AKAP13: variants seen among roughly 807,000 people sequenced by gnomAD.
AKAP13 encodes A-kinase anchoring protein 13.
In AKAP13, 80 loss-of-function variants were observed where a neutral mutation model predicts 264.5. The observed-to-expected ratio is 0.30, with a 90% CI of 0.25 to 0.36. AKAP13 has a LOEUF of 0.36. Ranked by LOEUF, AKAP13 falls within the 10% of genes least tolerant of loss-of-function variation. The pLI is 1.00. For synonymous variants in AKAP13, 1,380 were observed against 1,250.2 expected (o/e 1.10, Z -2.19); for missense variants, 3,712 against 3,435.2 (o/e 1.08, Z -2.01).
chr15:85,612,120 A>C (rs2080659840), intron 8 of AKAP13, among the ~76,000 whole-genome samples: 2 of 152,228 alleles, frequency 1.3e-5, no homozygotes, highest in African/African-American at 4.8e-5. Flanking sequence ...TGTACTATAC[A>C]GTCCCAATAA....
intron 1 of AKAP13, among the ~76,000 whole-genome samples, chr15:85,392,588 A>G (rs2070921079): frequency 6.6e-6 from 1 of 151,828 alleles, no homozygotes; most frequent in Non-Finnish European, 1.5e-5. Context: ...TTTTTTTGTT[A>G]AGAAATGAGG....
At chr15:85,744,306 T>C in intron 36 of AKAP13, 1 of 343,560 alleles carries the variant, frequency 2.9e-6, no homozygotes, top group Non-Finnish European at 5.4e-6. Flanking sequence ...CCTGTTCATG[T>C]ACCACTTTTT....
chr15:85,609,258 C>A (rs969966074), intron 8 of AKAP13, among the ~76,000 whole-genome samples: 7 of 152,152 alleles, frequency 4.6e-5, no homozygotes, highest in Non-Finnish European at 1.0e-4. Flanking sequence ...CAACCTCTCC[C>A]CATTCTCTTC....
intron 8 of AKAP13, among the ~76,000 whole-genome samples, chr15:85,622,863 A>G (rs1209348402): frequency 1.3e-5 from 2 of 152,134 alleles, no homozygotes; most frequent in Non-Finnish European, 2.9e-5. Context: ...TATTACATGA[A>G]TATGTATATT....
At chr15:85,641,524 CGCCCAGGCTGG>C (rs2082312036) in intron 9 of AKAP13, among the ~76,000 whole-genome samples, 1 of 150,692 alleles carries the variant, frequency 6.6e-6, no homozygotes, top group Non-Finnish European at 1.5e-5. Context: ...CTCGCTCTGT[CGCCCAGGCTGG>C]AATGCAGTGG....
At chr15:85,486,507 T>C (rs1323576866) in intron 2 of AKAP13, among the ~76,000 whole-genome samples, 1 of 152,152 alleles carries the variant, frequency 6.6e-6, no homozygotes, top group Non-Finnish European at 1.5e-5. Flanking sequence ...TTGAAAAGAC[T>C]GTTCTTTCTC....
At chr15:85,631,131 G>A (rs539084245) in intron 8 of AKAP13, among the ~76,000 whole-genome samples, 1 of 152,166 alleles carries the variant, frequency 6.6e-6, no homozygotes, top group South Asian at 2.1e-4. Context: ...CTTCAACATG[G>A]GTGAACCTCA....
chr15:85,409,584 T>G (rs988343861), intron 1 of AKAP13, among the ~76,000 whole-genome samples: 5 of 151,642 alleles, frequency 3.3e-5, no homozygotes, highest in Non-Finnish European at 5.9e-5. Flanking sequence ...GTGGGTTGCC[T>G]TTTCACTCTG....
chr15:85,640,918 A>G (rs1223591653), intron 9 of AKAP13, among the ~76,000 whole-genome samples: 1 of 152,192 alleles, frequency 6.6e-6, no homozygotes, highest in Non-Finnish European at 1.5e-5. Flanking sequence ...TGAATTCTGT[A>G]GACCTACTGT....
intron 5 of AKAP13, among the ~76,000 whole-genome samples, chr15:85,557,611 C>A (rs572729085): frequency 6.6e-6 from 1 of 152,014 alleles, no homozygotes; most frequent in East Asian, 1.9e-4. Context: ...ACTACAGGCA[C>A]GCACCACCAC....
chr15:85,529,047 G>A (rs2077169214), intron 3 of AKAP13, among the ~76,000 whole-genome samples: 1 of 152,152 alleles, frequency 6.6e-6, no homozygotes, highest in Non-Finnish European at 1.5e-5. Context: ...TTTTTATGCA[G>A]AAAGTTAGAT....
At chr15:85,694,372 A>G (rs2085454423) in intron 17 of AKAP13, among the ~76,000 whole-genome samples, 1 of 152,238 alleles carries the variant, frequency 6.6e-6, no homozygotes, top group Admixed American at 6.5e-5. Context: ...CGTGACCCAC[A>G]TGGTCTCTGT....
intron 10 of AKAP13, among the ~76,000 whole-genome samples, chr15:85,646,933 A>G (rs1261585361): frequency 1.3e-5 from 2 of 152,240 alleles, no homozygotes; most frequent in African/African-American, 4.8e-5. Context: ...ATGCTACTCA[A>G]TTATATGCCA....
In AKAP13 at chr15:85,502,573, G is replaced by A. The variant is rs1273899800; in HGVS notation, c.33+16820G>A. 3.3e-5 allele frequency among the ~76,000 whole-genome samples: 5 copies of A among 151,934 alleles called. No homozygotes were observed. In the South Asian group the frequency reaches 8.3e-4, roughly 25 times the overall value. Reference sequence around the variant, plus strand: ...TTGGCTTATTTCTTTAAAAAATGTCGACACTTAAAAAGGAAAACTTAAAAT... The same window carrying A: ...TTGGCTTATTTCTTTAAAAAATGTCAACACTTAAAAAGGAAAACTTAAAAT... On this transcript the variant is annotated intron_variant, in intron 2 of 36. Coordinates refer to ENST00000394518, the MANE Select transcript of AKAP13 (RefSeq NM_007200.5).
chr15:85,496,920 T>C (rs982159477), intron 2 of AKAP13, among the ~76,000 whole-genome samples: 4 of 148,180 alleles, frequency 2.7e-5, no homozygotes, highest in African/African-American at 1.0e-4. Flanking sequence ...TGTTGGACTT[T>C]TTAATCAGTT....
chr15:85,518,948 C>G (rs1415790325), intron 2 of AKAP13, among the ~76,000 whole-genome samples: 1 of 152,220 alleles, frequency 6.6e-6, no homozygotes, highest in African/African-American at 2.4e-5. Flanking sequence ...GCCACCTCCT[C>G]TGTCCCCAAA....
At chr15:85,523,638 G>A (rs2076912884) in intron 3 of AKAP13, among the ~76,000 whole-genome samples, 1 of 152,078 alleles carries the variant, frequency 6.6e-6, no homozygotes, top group Admixed American at 6.6e-5. Context: ...ATGAGGACAA[G>A]GATCTTTGTT....
intron 18 of AKAP13, among the ~76,000 whole-genome samples, chr15:85,709,879 G>C (rs947981084): frequency 6.6e-6 from 1 of 151,708 alleles, no homozygotes; most frequent in Non-Finnish European, 1.5e-5. Context: ...GTTGAGACAG[G>C]GTTTCGCCAT....
At chr15:85,686,566 T>A (rs1477759597) in intron 16 of AKAP13, among the ~76,000 whole-genome samples, 1 of 150,678 alleles carries the variant, frequency 6.6e-6, no homozygotes, top group African/African-American at 2.4e-5. Flanking sequence ...TCTAGCATAA[T>A]CACACATTTA....
Sources: allele counts gnomAD v4.1 joint callset (sites outside exome capture counted in the v4.1 genomes callset), GRCh38; gene constraint gnomAD v4.1.1; transcripts MANE v1.5; gene names NCBI Gene and HGNC (gene_info 2026-07-23, HGNC 2026-07-21).